The following LSAMP variants were observed in gnomAD, a reference collection of about 807,000 sequenced individuals.
LSAMP encodes the protein limbic system-associated membrane protein.
A neutral mutation model predicts 38.6 loss-of-function variants in LSAMP; 7 were observed. The observed-to-expected ratio is 0.18, with a 90% CI of 0.10 to 0.34. The LOEUF is 0.34. LSAMP is among the 10% of genes least tolerant of loss of function. The pLI is 1.00. For missense variants in LSAMP, 313 were observed against 420.0 expected, an observed-to-expected ratio of 0.75 and a Z score of 2.23; for synonymous variants, 154 against 166.8, an observed-to-expected ratio of 0.92 and a Z score of 0.59.
chr3:116,238,047 T>C (rs568459654), intron 1 of LSAMP, among the ~76,000 whole-genome samples: 88 of 152,272 alleles, frequency 5.8e-4, no homozygotes, highest in Middle Eastern at 3.4e-3. Context: ...CTCCACCCAG[T>C]TGTGGTAACC....
chr3:116,097,880 C>T (rs1708258768), intron 1 of LSAMP, among the ~76,000 whole-genome samples: 1 of 151,948 alleles, frequency 6.6e-6, no homozygotes, highest in South Asian at 2.1e-4. Context: ...GTGTTACAGG[C>T]ATGCACCACC....
At chr3:116,035,018 A>G (rs1941016632) in intron 2 of LSAMP, among the ~76,000 whole-genome samples, 1 of 152,188 alleles carries the variant, frequency 6.6e-6, no homozygotes, top group Non-Finnish European at 1.5e-5. Flanking sequence ...TGGGAGTCAG[A>G]TCAGGTTTCA....
chr3:116,308,344 A>G (rs148519977), intron 1 of LSAMP, among the ~76,000 whole-genome samples: 64 of 152,116 alleles, frequency 4.2e-4, no homozygotes, highest in African/African-American at 1.5e-3. Flanking sequence ...CTTTCCCCGG[A>G]GGAATGTGGA....
intron 3 of LSAMP, among the ~76,000 whole-genome samples, chr3:116,016,248 A>G (rs1214651214): frequency 1.3e-5 from 2 of 152,202 alleles, no homozygotes; most frequent in Non-Finnish European, 2.9e-5. Context: ...TAGCAAAGGA[A>G]AGTTCTCTCT....
intron 1 of LSAMP, among the ~76,000 whole-genome samples, chr3:116,215,499 G>A (rs541829754): frequency 6.6e-6 from 1 of 152,136 alleles, no homozygotes; most frequent in Admixed American, 6.6e-5. Context: ...CCCAGAGGTG[G>A]AGGCCGCTTA....
chr3:116,342,930 G>T (rs1191256614), intron 1 of LSAMP, among the ~76,000 whole-genome samples: 1 of 151,982 alleles, frequency 6.6e-6, no homozygotes, highest in Non-Finnish European at 1.5e-5. Flanking sequence ...AAATATTGAT[G>T]GATTCTTTCC....
chr3:116,096,153 C>T (rs189629834), intron 1 of LSAMP, among the ~76,000 whole-genome samples: 7 of 152,266 alleles, frequency 4.6e-5, no homozygotes, highest in Admixed American at 4.6e-4. Flanking sequence ...CCAATATTTT[C>T]GAAGAGCTTC....
intron 3 of LSAMP, among the ~76,000 whole-genome samples, chr3:115,901,151 G>C (rs370034514): frequency 6.6e-6 from 1 of 152,086 alleles, no homozygotes; most frequent in South Asian, 2.1e-4. Flanking sequence ...ACAGACCTTT[G>C]GATGCTCTGC....
intron 1 of LSAMP, among the ~76,000 whole-genome samples, chr3:116,191,223 AAAACAAACAAAC>A (rs367819081): frequency 2.6e-5 from 4 of 152,150 alleles, no homozygotes; most frequent in Non-Finnish European, 4.4e-5. Context: ...ACTCTGTCTC[AAAACAAACAAAC>A]AAACAAACAA....
Position 116,445,404 on chromosome 3 carries a change from A to C in LSAMP, c.-373T>G. The C allele has an allele frequency of 3.4e-5, 13 of 381,298 alleles. No individual in the cohort carries two copies. The highest frequency in any genetic ancestry group is 4.2e-5 in the East Asian group (1 of 23,762). 23.6% of individuals were successfully genotyped at this position (381,298 alleles called of 1,614,324 possible). A position where few individuals can be genotyped will look rare whatever the true frequency, so the allele number is the denominator to read the frequency against. ...CTGAGCTGAGCTCCTTCGCTCTGTA[A>C]CCCACTTTCCCAGGCTGGCGGGCGG... On this transcript the variant is annotated 5_prime_UTR_variant, in exon 1 of 7. Coordinates refer to ENST00000490035, the MANE Select transcript of LSAMP (RefSeq NM_002338.5).
chr3:116,291,415 T>A (rs1474286056), intron 1 of LSAMP, among the ~76,000 whole-genome samples: 5 of 152,178 alleles, frequency 3.3e-5, no homozygotes, highest in Non-Finnish European at 7.4e-5. Context: ...CATTTAACCT[T>A]GGGCAAGACG....
Position 115,810,403 on chromosome 3 carries a change from C to T in LSAMP, c.931G>A (p.Val311Met). The T allele has an allele frequency of 6.2e-7, 1 of 1,612,788 alleles. No homozygotes were observed. The highest frequency in any genetic ancestry group is 8.5e-7 in the Non-Finnish European group (1 of 1,179,130). ...ASLVLFRPGS[V>M]RGINGSISLA... Reference sequence around the variant, plus strand: ...CTGATGGATCCATTTATTCCTCTCACCGACCCAGGTCCTGCAGAGCAAAAG... The same window carrying T: ...CTGATGGATCCATTTATTCCTCTCATCGACCCAGGTCCTGCAGAGCAAAAG... The change falls in exon 7 of 7, where the codon GTG becomes ATG. Residue 311 changes from valine (V) to methionine (M), a missense_variant. Physicochemically the swap from Val to Met is conservative, Grantham distance 21 (BLOSUM62 1). Coordinates refer to ENST00000490035, the MANE Select transcript of LSAMP (RefSeq NM_002338.5).
chr3:115,980,179 G>T (rs1379019071), intron 3 of LSAMP, among the ~76,000 whole-genome samples: 1 of 152,042 alleles, frequency 6.6e-6, no homozygotes, highest in Non-Finnish European at 1.5e-5. Flanking sequence ...ATTCTTTCAA[G>T]TTTTCAGACT....
At chr3:116,176,552 T>A (rs1319509310) in intron 1 of LSAMP, among the ~76,000 whole-genome samples, 3 of 152,064 alleles carry the variant, frequency 2.0e-5, no homozygotes, top group Non-Finnish European at 4.4e-5. Flanking sequence ...CAACCAAAGG[T>A]TCTTTGTTAG....
intron 1 of LSAMP, among the ~76,000 whole-genome samples, chr3:116,254,572 A>G (rs2046726605): frequency 6.6e-6 from 1 of 152,156 alleles, no homozygotes; most frequent in Admixed American, 6.5e-5. Flanking sequence ...TCCCTCTATT[A>G]ACACCGTTTT....
chr3:116,389,586 A>G (rs1393011177), intron 1 of LSAMP, among the ~76,000 whole-genome samples: 1 of 152,202 alleles, frequency 6.6e-6, no homozygotes, highest in African/African-American at 2.4e-5. Context: ...AAATTTGGTC[A>G]GATGATTTAC....
chr3:116,267,898 A>AAGTC (rs1212015137), intron 1 of LSAMP, among the ~76,000 whole-genome samples: 2 of 151,972 alleles, frequency 1.3e-5, no homozygotes, highest in East Asian at 3.9e-4. Flanking sequence ...ATGTAAGTAA[A>AAGTC]AGTCAATGGA....
At chr3:116,239,336 C>T (rs2046502530) in intron 1 of LSAMP, among the ~76,000 whole-genome samples, 1 of 152,104 alleles carries the variant, frequency 6.6e-6, no homozygotes, top group Non-Finnish European at 1.5e-5. Flanking sequence ...CTTCCTGACT[C>T]ACGAGGCTTT....
chr3:116,012,410 G>T (rs1399953146), intron 3 of LSAMP, among the ~76,000 whole-genome samples: 1 of 152,020 alleles, frequency 6.6e-6, no homozygotes, highest in East Asian at 1.9e-4. Flanking sequence ...AATAACAAGG[G>T]TTGTAATTCA....
Sources: gnomAD v4.1 joint callset for allele counts (sites outside exome capture counted in the v4.1 genomes callset) on GRCh38, gnomAD v4.1.1 for gene constraint, MANE v1.5 for transcripts, NCBI Gene and HGNC (gene_info 2026-07-23, HGNC 2026-07-21) for gene names.